The following SLA2 variants were observed in gnomAD, a reference collection of about 807,000 sequenced individuals.
SLA2 encodes the protein Src like adaptor 2.
SLA2 carries 22 observed loss-of-function variants against 27.3 expected under a neutral mutation model. The ratio of observed to expected loss-of-function variants is 0.81; its 90% CI spans 0.58 to 1.15. SLA2 has a LOEUF of 1.15. SLA2 is among the 50% of genes most tolerant of loss of function. The probability of loss-of-function intolerance (pLI) is 0.00; values close to 1 mark genes in which losing one functional copy is unlikely to be tolerated. For missense variants in SLA2, 304 were observed against 322.2 expected (o/e 0.94, Z 0.43); for synonymous variants, 131 against 137.8 (o/e 0.95, Z 0.34).
At chr20:36,644,141 TGAG>T (rs745882781) in intron 1 of SLA2, among the ~76,000 whole-genome samples, 103 of 152,176 alleles carry the variant, frequency 6.8e-4, no homozygotes, top group Non-Finnish European at 1.3e-3. Flanking sequence ...CTGCTGTTCT[TGAG>T]GAGGTTTTTT....
intron 5 of SLA2, among the ~76,000 whole-genome samples, chr20:36,627,788 T>C (rs903667360): frequency 2.0e-5 from 3 of 152,182 alleles, no homozygotes; most frequent in Non-Finnish European, 2.9e-5. Flanking sequence ...TAGCCAGGTA[T>C]GCCAGAAGGA....
intron 5 of SLA2, among the ~76,000 whole-genome samples, chr20:36,626,831 A>T (rs1284960993): frequency 6.7e-6 from 1 of 149,896 alleles, no homozygotes; most frequent in East Asian, 1.9e-4. Flanking sequence ...GGCGACAGCA[A>T]GACTCCATCT....
chr20:36,636,481 T>C (rs2039448590), intron 2 of SLA2, among the ~76,000 whole-genome samples: 1 of 148,768 alleles, frequency 6.7e-6, no homozygotes, highest in Admixed American at 6.7e-5. Flanking sequence ...GGTGCACGCC[T>C]GTAGTCCCAG....
Position 36,613,586 on chromosome 20 carries a change from C to A in SLA2, c.*280G>T, listed in dbSNP as rs2039167401. On this transcript the variant is annotated 3_prime_UTR_variant, in exon 8 of 8. Transcript: ENST00000262866. ...AAACTCAAGAACTAACTAGGTCAGA[C>A]CCCCCAGGAGGCTTATTCTCTTTTT... The A allele has an allele frequency of 3.1e-6, 1 of 318,702 alleles. No homozygotes were observed. The allele number at this position is 318,702 out of a possible 1,614,324, so 19.7% of individuals were successfully genotyped here. A position where few individuals can be genotyped will look rare whatever the true frequency, so the allele number is the denominator to read the frequency against.
In SLA2 at chr20:36,641,392, A is replaced by G; in HGVS notation, c.-43-14T>C. 1 of 1,494,728 alleles carries G rather than the reference A, an allele frequency of 6.7e-7. No homozygotes were observed. Among genetic ancestry groups the G allele is most frequent in the South Asian group, 1.1e-5 (1 of 88,236 alleles). The allele number at this position is 1,494,728 out of a possible 1,614,324, so 92.6% of individuals were successfully genotyped here. On this transcript the variant is annotated splice_polypyrimidine_tract_variant and intron_variant, in intron 1 of 7. Coordinates refer to ENST00000262866, the MANE Select transcript of SLA2 (RefSeq NM_032214.4). ...ATCGAGGGAAATCTGAAAGAGACAC[A>G]GTGATGGGGACAGAGCCGAGGCTTC...
intron 5 of SLA2, among the ~76,000 whole-genome samples, chr20:36,630,479 A>G (rs893170194): frequency 1.3e-5 from 2 of 152,156 alleles, no homozygotes; most frequent in Admixed American, 1.3e-4. Context: ...GTCTGTTGCT[A>G]TGCTTGCAGT....
At chr20:36,619,423 G>A (rs1420929396) in intron 5 of SLA2, among the ~76,000 whole-genome samples, 2 of 150,970 alleles carry the variant, frequency 1.3e-5, no homozygotes, top group African/African-American at 4.9e-5. Context: ...CTACTTGGGA[G>A]ACTGAGGCAG....
intron 5 of SLA2, among the ~76,000 whole-genome samples, chr20:36,625,538 G>T (rs1019507588): frequency 6.7e-6 from 1 of 149,446 alleles, no homozygotes; most frequent in Non-Finnish European, 1.5e-5. Context: ...TTTTGTTTTA[G>T]GAAATAAATT....
At chr20:36,635,662 G>A (rs889737212) in intron 2 of SLA2, among the ~76,000 whole-genome samples, 1 of 152,234 alleles carries the variant, frequency 6.6e-6, no homozygotes, top group Admixed American at 6.5e-5. Flanking sequence ...GAGGCATAAG[G>A]CCTGGCCATT....
Position 36,614,357 on chromosome 20 carries a change from G to A in SLA2, c.613C>T (p.Pro205Ser), listed in dbSNP as rs1356655913. 6.2e-7 allele frequency: 1 copy of A among 1,614,182 alleles called. No homozygotes were observed. ...RAGPLPGKDI[P>S]LPVTVQRTPL... ...GTCCTCTGCACAGTCACAGGTAGGG[G>A]TATATCCTTGCCAGGGAGCGGGCCA... The change falls in exon 7 of 8, where the codon CCC (proline) becomes TCC (serine). Residue 205 changes from proline to serine, a missense_variant. Transcript: ENST00000262866.
intron 5 of SLA2, among the ~76,000 whole-genome samples, chr20:36,624,043 G>A (rs1042878843): frequency 6.6e-6 from 1 of 152,090 alleles, no homozygotes; most frequent in Non-Finnish European, 1.5e-5. Flanking sequence ...CAGGGATAAA[G>A]AGGTCAGGAG....
chr20:36,635,319 T>G (rs2039433799), intron 2 of SLA2, among the ~76,000 whole-genome samples: 1 of 150,248 alleles, frequency 6.7e-6, no homozygotes, highest in Non-Finnish European at 1.5e-5. Flanking sequence ...ATAAACACAT[T>G]AAGTAGGAGA....
chr20:36,642,823 G>T (rs890696116), intron 1 of SLA2, among the ~76,000 whole-genome samples: 1 of 152,086 alleles, frequency 6.6e-6, no homozygotes, highest in Non-Finnish European at 1.5e-5. Flanking sequence ...GACCTCAGGC[G>T]ATCCGCCCTC....
Position 36,613,757 on chromosome 20 carries a change from TCCCACCC to T in SLA2, c.*102_*108del. 2.1e-6 allele frequency: 1 copy of T among 471,824 alleles called. No individual in the cohort carries two copies. Among genetic ancestry groups the T allele is most frequent in the Non-Finnish European group, 4.1e-6 (1 of 246,220 alleles). 29.2% of individuals were successfully genotyped at this position (471,824 alleles called of 1,614,324 possible). A position where few individuals can be genotyped will look rare whatever the true frequency, so the allele number is the denominator to read the frequency against. ...GTGGGACCCTAGATGCACCTCTGTG[TCCCACCC>T]TCCCTCCCTGAGTGCACAGCCTTGC... On this transcript the variant is annotated 3_prime_UTR_variant, in exon 8 of 8. Coordinates refer to ENST00000262866, the MANE Select transcript of SLA2 (RefSeq NM_032214.4).
At chr20:36,633,916 C>T (rs771777767) in intron 3 of SLA2, among the ~76,000 whole-genome samples, 7 of 151,092 alleles carry the variant, frequency 4.6e-5, no homozygotes, top group African/African-American at 1.5e-4. Flanking sequence ...TTTCTGTGAG[C>T]GCTTCAGCAA....
At chr20:36,614,048 C>T in intron 7 of SLA2, 62 bp from the exon 8 acceptor site, 2 of 1,594,368 alleles carry the variant, frequency 1.3e-6, no homozygotes, top group Non-Finnish European at 8.5e-7. Flanking sequence ...ACTCACTACA[C>T]ACAAAATTGC....
intron 3 of SLA2, 32 bp downstream of exon 3, chr20:36,634,458 C>T: frequency 6.8e-7 from 1 of 1,477,286 alleles, no homozygotes; most frequent in Non-Finnish European, 9.4e-7. Context: ...TCTATTAGTG[C>T]ATATTCAGGT....
At chr20:36,622,209 T>TAAAAAA (rs2039290214) in intron 5 of SLA2, among the ~76,000 whole-genome samples, 1 of 127,740 alleles carries the variant, frequency 7.8e-6, no homozygotes, top group Admixed American at 8.0e-5. Flanking sequence ...AGACTTGATC[T>TAAAAAA]CAAAAAAAAA....
intron 5 of SLA2, among the ~76,000 whole-genome samples, chr20:36,631,573 T>G (rs2039393626): frequency 6.6e-6 from 1 of 152,184 alleles, no homozygotes; most frequent in South Asian, 2.1e-4. Flanking sequence ...CCCTTCACAT[T>G]TGGCCTTCTG....
Sources: gnomAD v4.1 joint callset for allele counts (sites outside exome capture counted in the v4.1 genomes callset) on GRCh38, gnomAD v4.1.1 for gene constraint, MANE v1.5 for transcripts, NCBI Gene and HGNC (gene_info 2026-07-23, HGNC 2026-07-21) for gene names.